Variants in DPP6 observed in about 807,000 individuals in gnomAD.
The protein encoded by DPP6 is A-type potassium channel modulatory protein DPP6.
A neutral mutation model predicts 122.6 loss-of-function variants in DPP6; 69 were observed. The ratio of observed to expected loss-of-function variants is 0.56; its 90% CI spans 0.46 to 0.69. The LOEUF (loss-of-function observed/expected upper bound fraction) is 0.69. DPP6 is among the 30% of genes least tolerant of loss of function. The pLI is 0.00. For synonymous variants in DPP6, 418 were observed against 433.1 expected (o/e 0.97, Z 0.43); for missense variants, 928 against 1,116.9 (o/e 0.83, Z 2.41).
chr7:154,883,066 CACAT>C (rs1221545923), intron 21 of DPP6, among the ~76,000 whole-genome samples: 10 of 151,436 alleles, frequency 6.6e-5, no homozygotes, highest in African/African-American at 9.7e-5. Flanking sequence ...CACATTCACA[CACAT>C]GCTCACCCAT....
At chr7:154,845,486 G>C (rs1035868697) in intron 16 of DPP6, among the ~76,000 whole-genome samples, 3 of 152,184 alleles carry the variant, frequency 2.0e-5, no homozygotes, top group Admixed American at 2.0e-4. Context: ...GCAGTTTGTA[G>C]TCAGGAAAAC....
the DPP6 span, among the ~76,000 whole-genome samples, chr7:153,750,091 T>G: frequency 6.6e-6 from 1 of 152,206 alleles, no homozygotes; most frequent in African/African-American, 2.4e-5. Context: ...ATCTACTTGT[T>G]CGGAGTTGAA....
chr7:154,008,911 C>T (rs1178423822), intron 1 of DPP6, among the ~76,000 whole-genome samples: 28 of 148,532 alleles, frequency 1.9e-4, no homozygotes, highest in Non-Finnish European at 3.7e-4. Context: ...GTGATCCGCC[C>T]GCCTCGGCCT....
Position 154,441,649 on chromosome 7 carries a change from G to A in DPP6, c.244-4565G>A, listed in dbSNP as rs1235604879. 2.6e-5 allele frequency among the ~76,000 whole-genome samples: 4 copies of A among 152,338 alleles called. No individual in the cohort carries two copies. In the East Asian group the frequency reaches 5.8e-4, roughly 22 times the overall value. Reference sequence around the variant, plus strand: ...AGATTTTAACAGAGAGGAGAGAACAGGGATGCATAACCTGACAGAGAGGCG... The same window carrying A: ...AGATTTTAACAGAGAGGAGAGAACAAGGATGCATAACCTGACAGAGAGGCG... On this transcript the variant is annotated intron_variant, in intron 1 of 25. Transcript: ENST00000377770.
chr7:154,574,359 G>A (rs1040071837), intron 5 of DPP6, among the ~76,000 whole-genome samples: 1 of 149,250 alleles, frequency 6.7e-6, no homozygotes, highest in African/African-American at 2.5e-5. Flanking sequence ...GTATATGTGT[G>A]TGTTGTGTAT....
chr7:154,442,858 C>T (rs1276776786), intron 1 of DPP6, among the ~76,000 whole-genome samples: 1 of 152,186 alleles, frequency 6.6e-6, no homozygotes, highest in Non-Finnish European at 1.5e-5. Flanking sequence ...GACAGACCTC[C>T]ATTACCCCTG....
intron 16 of DPP6, among the ~76,000 whole-genome samples, chr7:154,837,256 CAT>C (rs1483819767): frequency 1.3e-5 from 2 of 151,562 alleles, no homozygotes; most frequent in East Asian, 3.9e-4. Context: ...CACATTCACA[CAT>C]GCACACACAT....
intron 6 of DPP6, among the ~76,000 whole-genome samples, chr7:154,660,053 A>T (rs1255861280): frequency 6.6e-6 from 1 of 152,012 alleles, no homozygotes; most frequent in Non-Finnish European, 1.5e-5. Context: ...ATCTATGGAA[A>T]CTCCTGTAAC....
chr7:154,528,512 T>C (rs1437138979), intron 3 of DPP6, among the ~76,000 whole-genome samples: 1 of 152,148 alleles, frequency 6.6e-6, no homozygotes, highest in East Asian at 1.9e-4. Context: ...AAGGTGGATA[T>C]TTGGTGACTT....
At chr7:153,989,628 G>A (rs1797052891) in intron 1 of DPP6, among the ~76,000 whole-genome samples, 1 of 152,002 alleles carries the variant, frequency 6.6e-6, no homozygotes, top group African/African-American at 2.4e-5. Context: ...CAGCTGGGGC[G>A]AGTCCCTGGA....
intron 16 of DPP6, among the ~76,000 whole-genome samples, chr7:154,811,918 T>C (rs1167814944): frequency 2.6e-5 from 4 of 152,208 alleles, no homozygotes; most frequent in Non-Finnish European, 5.9e-5. Context: ...TAACTTAGTC[T>C]TCTAGTTGCA....
In DPP6 at chr7:154,592,643, G is replaced by A. The variant is rs78751580; in HGVS notation, c.627+25727G>A. ...GAGGACGGCAGGGACGGCAGGGACG[G>A]CATGGAAGCAGTGGCCCAGCAGACG... is the stretch of plus-strand genomic sequence containing the variant. On this transcript the variant is annotated intron_variant, in intron 5 of 25. Coordinates refer to ENST00000377770, the MANE Select transcript of DPP6 (RefSeq NM_130797.4). Among the ~76,000 whole-genome samples the A allele has an allele frequency of 5.9e-3, 881 of 150,324 alleles. 6 individuals are homozygous for A. The highest frequency in any genetic ancestry group is 0.02 in the African/African-American group (811 of 40,476).
chr7:154,406,425 G>T (rs564638230), intron 1 of DPP6, among the ~76,000 whole-genome samples: 1 of 52,444 alleles, frequency 1.9e-5, no homozygotes, highest in Non-Finnish European at 4.2e-5. Flanking sequence ...ATGCACACAC[G>T]CATGCACACA....
chr7:154,238,088 C>A (rs964144415), intron 1 of DPP6, among the ~76,000 whole-genome samples: 1 of 152,168 alleles, frequency 6.6e-6, no homozygotes, highest in Non-Finnish European at 1.5e-5. Context: ...CTTTTCCTCA[C>A]CAAAGAGATG....
At chr7:154,758,700 T>G (rs2131501183) in intron 8 of DPP6, among the ~76,000 whole-genome samples, 1 of 152,306 alleles carries the variant, frequency 6.6e-6, no homozygotes, top group Non-Finnish European at 1.5e-5. Flanking sequence ...AAAAAGACAT[T>G]GAATGTTTAG....
rs1815370820 is a variant in DPP6 at position 154,399,395 on chromosome 7, ACT to A, written c.244-46817_244-46816del. 2.0e-5 allele frequency among the ~76,000 whole-genome samples: 3 copies of A among 152,322 alleles called. No homozygotes were observed. In the South Asian group the frequency reaches 6.2e-4, roughly 32 times the overall value. ...TTAATTTTTGTATTTATATTGGATA[ACT>A]CATGCAATTTTTCAAAGACTCCATT... On this transcript the variant is annotated intron_variant, in intron 1 of 25. Transcript: ENST00000377770.
intron 1 of DPP6, among the ~76,000 whole-genome samples, chr7:154,389,173 T>C (rs1814391424): frequency 6.6e-6 from 1 of 152,186 alleles, no homozygotes; most frequent in African/African-American, 2.4e-5. Flanking sequence ...GAGGGCATTC[T>C]TGCTGATATC....
intron 3 of DPP6, among the ~76,000 whole-genome samples, chr7:154,531,812 A>G (rs1827858724): frequency 6.6e-6 from 1 of 152,204 alleles, no homozygotes; most frequent in African/African-American, 2.4e-5. Context: ...TCTATAGTTA[A>G]TAAGAAGTGG....
the DPP6 span, among the ~76,000 whole-genome samples, chr7:153,878,504 G>A: frequency 2.0e-5 from 3 of 152,064 alleles, no homozygotes. Context: ...GTCTCCCAAG[G>A]GAGACAGAGT....
Sources: allele counts gnomAD v4.1 joint callset (sites outside exome capture counted in the v4.1 genomes callset), GRCh38; gene constraint gnomAD v4.1.1; transcripts MANE v1.5; gene names NCBI Gene and HGNC (gene_info 2026-07-23, HGNC 2026-07-21).